Variants in HTR3B observed in about 807,000 individuals in gnomAD.
HTR3B encodes 5-hydroxytryptamine (serotonin) receptor 3B, ionotropic.
In HTR3B, 44 loss-of-function variants were observed where a neutral mutation model predicts 42.8. The observed-to-expected ratio is 1.03, with a 90% confidence interval of 0.81 to 1.32. The LOEUF (loss-of-function observed/expected upper bound fraction) is 1.32. HTR3B is among the 40% of genes most tolerant of loss of function. HTR3B has a pLI of 0.00. For synonymous variants in HTR3B, 203 were observed against 209.0 expected, an observed-to-expected ratio of 0.97 and a Z score of 0.25; for missense variants, 527 against 536.5, an observed-to-expected ratio of 0.98 and a Z score of 0.17.
intron 4 of HTR3B, among the ~76,000 whole-genome samples, 193 bp downstream of exon 4, chr11:113,932,060 G>A (rs1950040404): frequency 6.6e-6 from 1 of 152,162 alleles, no homozygotes; most frequent in Non-Finnish European, 1.5e-5. Flanking sequence ...CTAATGTTGA[G>A]GTTACTCATT....
At chr11:113,918,860 T>C (rs1314800148) in intron 2 of HTR3B, among the ~76,000 whole-genome samples, 3 of 152,190 alleles carry the variant, frequency 2.0e-5, no homozygotes, top group African/African-American at 7.2e-5. Context: ...TTTCACCATG[T>C]TGACCAGTCT....
In HTR3B at chr11:113,947,807, C is replaced by T. The variant is rs1950190970; in HGVS notation, c.*1670C>T. ...AGCAGACAAAGGGGACATATTTCAG[C>T]CCATAACACTAGTGATTCCGGAGGT... On this transcript the variant is annotated 3_prime_UTR_variant, in exon 9 of 9. Transcript: ENST00000260191. 6.6e-6 allele frequency among the ~76,000 whole-genome samples: 1 copy of T among 152,098 alleles called. No individual in the cohort carries two copies. The highest frequency in any genetic ancestry group is 2.1e-4 in the South Asian group (1 of 4,816).
chr11:113,930,487 CTT>C (rs528919776), intron 2 of HTR3B, among the ~76,000 whole-genome samples: 3,138 of 121,700 alleles, frequency 0.026, 58 homozygotes, highest in African/African-American at 0.092. Flanking sequence ...TTTCTTTTCT[CTT>C]TTTTTTTTTT....
At chr11:113,920,983 T>A (rs1949906130) in intron 2 of HTR3B, among the ~76,000 whole-genome samples, 1 of 150,062 alleles carries the variant, frequency 6.7e-6, no homozygotes, top group East Asian at 2.0e-4. Flanking sequence ...TGGCTAATTT[T>A]TGTATTTTTA....
At chr11:113,944,509 A>G (rs1275441290) in intron 7 of HTR3B, 64 bp from the exon 8 acceptor site, 2 of 1,548,950 alleles carry the variant, frequency 1.3e-6, no homozygotes, top group Non-Finnish European at 1.8e-6. Flanking sequence ...CCTAAAGAAA[A>G]CAAAAAAATC....
At chr11:113,936,549 G>GAGAGAGAGAGAGAA (rs1950093735) in intron 6 of HTR3B, among the ~76,000 whole-genome samples, 1 of 151,540 alleles carries the variant, frequency 6.6e-6, no homozygotes, top group Non-Finnish European at 1.5e-5. Flanking sequence ...GATCATATGA[G>GAGAGAGAGAGAGAA]AGAGAGAGAG....
In HTR3B at chr11:113,943,144, A is replaced by C. The variant is rs781448059; in HGVS notation, c.859A>C (p.Asn287His). 3 of 1,613,980 alleles carry C rather than the reference A, an allele frequency of 1.9e-6. No homozygotes were observed. In the African/African-American group the frequency reaches 4.0e-5, roughly 22 times the overall value. Residue 287 changes from asparagine (N) to histidine (H), a missense_variant, in exon 7 of 9, where the codon AAC (asparagine) becomes CAC (histidine). By Grantham distance (68) the Asn-to-His change is moderately conservative. Transcript: ENST00000260191. ...GGTGGGCTACACCGTCTTCAGGGTC[A>C]ACATGTCCAACCAGGTGCCACGGAG... ...VLVGYTVFRV[N>H]MSNQVPRSVG...
At chr11:113,917,586 A>G (rs1949868615) in intron 2 of HTR3B, among the ~76,000 whole-genome samples, 1 of 151,910 alleles carries the variant, frequency 6.6e-6, no homozygotes, top group Non-Finnish European at 1.5e-5. Flanking sequence ...AGGTGCATAC[A>G]CATTTAGACT....
upstream of HTR3B, among the ~76,000 whole-genome samples, chr11:113,899,888 C>T (rs78725196): frequency 1.8e-3 from 277 of 152,270 alleles, no homozygotes; most frequent in African/African-American, 6.2e-3. Context: ...TAATGATGGG[C>T]TTGGCCTGAA....
intron 6 of HTR3B, among the ~76,000 whole-genome samples, chr11:113,934,492 C>CT (rs1041282145): frequency 2.6e-5 from 4 of 152,060 alleles, no homozygotes; most frequent in Non-Finnish European, 5.9e-5. Context: ...AAGAAAGAAA[C>CT]TATTATTGAG....
intron 2 of HTR3B, among the ~76,000 whole-genome samples, chr11:113,927,568 C>CT (rs887217222): frequency 0.014 from 1,979 of 144,222 alleles, 16 homozygotes; most frequent in Middle Eastern, 0.018. Context: ...TTTTTCTTTC[C>CT]TTTTTTTTTT....
At position 113,942,888 on chromosome 11, in the gene HTR3B, G is replaced by T. The variant is rs1950146799; in HGVS notation, c.697-94G>T. The T allele has an allele frequency of 3.1e-6, 3 of 967,182 alleles. No individual in the cohort carries two copies. In the South Asian group the frequency reaches 4.1e-5, roughly 13 times the overall value. The allele number at this position is 967,182 out of a possible 1,614,324, so 59.9% of individuals were successfully genotyped here. ...ATTTTTCACATTATGCAAAAACGTT[G>T]GGTCTTCGGGGAGAATTCCTGGCTA... On this transcript the variant is annotated intron_variant, in intron 6 of 8. Transcript: ENST00000260191.
upstream of HTR3B, among the ~76,000 whole-genome samples, chr11:113,902,443 T>A (rs977238926): frequency 5.3e-5 from 8 of 152,090 alleles, no homozygotes; most frequent in African/African-American, 1.9e-4. Context: ...ATTACAGGCA[T>A]GTGCCACCGT....
rs1016988411 is a variant in HTR3B, at chr11:113,947,932, C to A, written c.*1795C>A. On this transcript the variant is annotated 3_prime_UTR_variant, in exon 9 of 9. Transcript: ENST00000260191. ...GACACAAAAGTCCAAAAGCTGTTTG[C>A]TAGAAACTTTTTCCAGCACTAAAAT... Among the ~76,000 whole-genome samples, 2 of 152,144 alleles carry A rather than the reference C, an allele frequency of 1.3e-5. No individual in the cohort carries two copies. Among genetic ancestry groups the A allele is most frequent in the African/African-American group, 4.8e-5 (2 of 41,438 alleles).
In HTR3B at chr11:113,944,598, C is replaced by T. The variant is rs768946855; in HGVS notation, c.933C>T (p.Ala311=). The T allele has an allele frequency of 4.3e-6, 7 of 1,614,052 alleles. No homozygotes were observed. The highest frequency in any genetic ancestry group is 5.1e-6 in the Non-Finnish European group (6 of 1,180,024). The change falls in exon 8 of 9, where the codon GCC becomes GCT. Residue 311 remains alanine, a synonymous_variant. Transcript: ENST00000260191. The stretch of plus-strand genomic sequence containing the variant: ...GGCACTTCTTCACCATCTGCATGGC[C>T]TTCTTGGTTCTCAGCTTAGCTAAGT... ...LIGHFFTICM[A]FLVLSLAKSI... is the part of the protein sequence containing the mutation.
intron 2 of HTR3B, among the ~76,000 whole-genome samples, chr11:113,922,193 C>T (rs1279289646): frequency 6.6e-6 from 1 of 152,012 alleles, no homozygotes; most frequent in Non-Finnish European, 1.5e-5. Context: ...CCACTTAAGT[C>T]TGTGTGGATT....
intron 2 of HTR3B, among the ~76,000 whole-genome samples, chr11:113,930,083 G>C (rs1478686278): frequency 6.6e-6 from 1 of 152,150 alleles, no homozygotes; most frequent in Non-Finnish European, 1.5e-5. Context: ...TCGTTGAGTT[G>C]TGGGAGTTCT....
At chr11:113,931,131 A>T (rs1950030600) in intron 2 of HTR3B, among the ~76,000 whole-genome samples, 1 of 152,198 alleles carries the variant, frequency 6.6e-6, no homozygotes, top group Admixed American at 6.5e-5. Context: ...AGAGATTAGC[A>T]AATCATTCAA....
intron 1 of HTR3B, among the ~76,000 whole-genome samples, chr11:113,907,655 G>C (rs1949743598): frequency 1.3e-5 from 2 of 152,160 alleles, no homozygotes; most frequent in Non-Finnish European, 2.9e-5. Flanking sequence ...TCTATGGATT[G>C]CTTCCTAGAC....
Sources: gnomAD v4.1 joint callset for allele counts (sites outside exome capture counted in the v4.1 genomes callset) on GRCh38, gnomAD v4.1.1 for gene constraint, MANE v1.5 for transcripts, NCBI Gene and HGNC (gene_info 2026-07-23, HGNC 2026-07-21) for gene names.